The following TMEM108 variants were observed in gnomAD, a reference collection of about 807,000 sequenced individuals.
TMEM108 encodes cancer/testis antigen 124.
TMEM108 carries 12 observed loss-of-function variants against 35.1 expected under a neutral mutation model. The observed-to-expected ratio is 0.34, with a 90% CI of 0.22 to 0.55. The LOEUF is 0.55. Among genes scored for constraint, TMEM108 ranks in the 20% least tolerant of loss-of-function variants. The probability of loss-of-function intolerance (pLI) is 0.89; values close to 1 mark genes in which losing one functional copy is unlikely to be tolerated. For missense variants in TMEM108, 680 were observed against 753.3 expected (o/e 0.90, Z 1.14); for synonymous variants, 287 against 308.6 (o/e 0.93, Z 0.73).
chr3:133,132,122 C>A (rs1944499380), intron 2 of TMEM108, among the ~76,000 whole-genome samples: 1 of 152,060 alleles, frequency 6.6e-6, no homozygotes, highest in Non-Finnish European at 1.5e-5. Flanking sequence ...AGAAAAGTAC[C>A]AAGTGACGCA....
chr3:133,288,107 G>T (rs1457203072), intron 3 of TMEM108, among the ~76,000 whole-genome samples: 2 of 152,128 alleles, frequency 1.3e-5, no homozygotes, highest in Non-Finnish European at 2.9e-5. Context: ...TTGCCCGCAT[G>T]GTCATTTATA....
intron 3 of TMEM108, among the ~76,000 whole-genome samples, chr3:133,362,940 G>A (rs1431446541): frequency 6.6e-6 from 1 of 152,152 alleles, no homozygotes; most frequent in Non-Finnish European, 1.5e-5. Context: ...GATTAAAAAG[G>A]TGCAGAGGGC....
At chr3:133,366,221 C>T (rs756588712) in intron 3 of TMEM108, among the ~76,000 whole-genome samples, 5 of 152,086 alleles carry the variant, frequency 3.3e-5, no homozygotes, top group Non-Finnish European at 5.9e-5. Flanking sequence ...GTGTTTATGC[C>T]TATGGATAAA....
At chr3:133,297,059 C>T (rs536942684) in intron 3 of TMEM108, among the ~76,000 whole-genome samples, 212 of 152,294 alleles carry the variant, frequency 1.4e-3, no homozygotes, top group African/African-American at 4.8e-3. Context: ...TGAAGGAGGT[C>T]CGAACAATAT....
At chr3:133,137,089 C>T (rs191929350) in intron 2 of TMEM108, among the ~76,000 whole-genome samples, 22 of 152,280 alleles carry the variant, frequency 1.4e-4, no homozygotes, top group South Asian at 6.2e-4. Flanking sequence ...TGCATAGAGA[C>T]GGTGTTTATC....
intron 2 of TMEM108, among the ~76,000 whole-genome samples, chr3:133,179,558 A>G (rs1200867035): frequency 6.6e-6 from 1 of 152,118 alleles, no homozygotes; most frequent in East Asian, 1.9e-4. Context: ...TCACAAGGAC[A>G]AAAAACCAAA....
chr3:133,047,946 C>T (rs1943360004), intron 2 of TMEM108, among the ~76,000 whole-genome samples: 1 of 152,118 alleles, frequency 6.6e-6, no homozygotes, highest in Non-Finnish European at 1.5e-5. Context: ...TGTGATGGCA[C>T]TAACTGAGGA....
chr3:133,100,989 A>G (rs1005547373), intron 2 of TMEM108, among the ~76,000 whole-genome samples: 2 of 152,208 alleles, frequency 1.3e-5, no homozygotes, highest in African/African-American at 4.8e-5. Context: ...ACCTACATTA[A>G]GAACATTTCC....
chr3:133,163,743 T>G (rs1944995165), intron 2 of TMEM108, among the ~76,000 whole-genome samples: 1 of 151,878 alleles, frequency 6.6e-6, no homozygotes, highest in Non-Finnish European at 1.5e-5. Context: ...GGTGGGAGAG[T>G]TGATGCTCAG....
At chr3:133,292,610 G>T (rs757432591) in intron 3 of TMEM108, among the ~76,000 whole-genome samples, 1 of 152,194 alleles carries the variant, frequency 6.6e-6, no homozygotes, top group Admixed American at 6.5e-5. Flanking sequence ...TGGTAGGCAC[G>T]TGTGGTTTTG....
intron 3 of TMEM108, among the ~76,000 whole-genome samples, chr3:133,324,684 TAAG>T (rs890988537): frequency 7.9e-5 from 12 of 152,204 alleles, no homozygotes; most frequent in Non-Finnish European, 1.6e-4. Flanking sequence ...ACCCAAAGAA[TAAG>T]AAGTCAGTGG....
chr3:133,227,347 C>T (rs1419503259), intron 2 of TMEM108, among the ~76,000 whole-genome samples: 2 of 150,908 alleles, frequency 1.3e-5, no homozygotes, highest in Non-Finnish European at 3.0e-5. Flanking sequence ...GCGCCCACCA[C>T]CTCGCCCGGC....
At chr3:133,254,503 A>C (rs1192214605) in intron 3 of TMEM108, among the ~76,000 whole-genome samples, 1 of 152,228 alleles carries the variant, frequency 6.6e-6, no homozygotes, top group Non-Finnish European at 1.5e-5. Context: ...TTCTCAACCA[A>C]GGTGCCTCAA....
intron 2 of TMEM108, among the ~76,000 whole-genome samples, chr3:133,220,929 T>G (rs77376306): frequency 0.025 from 3,769 of 152,312 alleles, 150 homozygotes; most frequent in African/African-American, 0.084. Flanking sequence ...TTTACTTACA[T>G]GTACCAGTTT....
At chr3:133,307,754 A>G (rs891518467) in intron 3 of TMEM108, among the ~76,000 whole-genome samples, 3 of 152,106 alleles carry the variant, frequency 2.0e-5, no homozygotes, top group African/African-American at 4.8e-5. Flanking sequence ...TACCAGTACT[A>G]TACTGTTTTG....
chr3:133,277,729 G>A (rs77743047), intron 3 of TMEM108, among the ~76,000 whole-genome samples: 2,289 of 152,338 alleles, frequency 0.015, 68 homozygotes, highest in African/African-American at 0.052. Flanking sequence ...CCTTTCTGCT[G>A]AGATTGGAGG....
chr3:133,218,941 A>T (rs1255736196), intron 2 of TMEM108, among the ~76,000 whole-genome samples: 2 of 152,002 alleles, frequency 1.3e-5, no homozygotes, highest in Non-Finnish European at 1.5e-5. Context: ...TTTTTGGAAG[A>T]GTTTGAGAAG....
Position 133,117,199 on chromosome 3 carries a change from A to G in TMEM108, c.-47+71179A>G, listed in dbSNP as rs577163499. On this transcript the variant is annotated intron_variant, in intron 2 of 5. Coordinates refer to ENST00000321871, the MANE Select transcript of TMEM108 (RefSeq NM_023943.4). ...ATAGAATATACAGCATCAAACAAAT[A>G]TTAGTCCTCAATGGAACAAGTGAGG... Among the ~76,000 whole-genome samples, 7 of 152,376 alleles carry G rather than the reference A, an allele frequency of 4.6e-5. No individual in the cohort carries two copies. In the East Asian group the frequency reaches 1.3e-3, roughly 29 times the overall value.
At chr3:133,219,747 A>G (rs190396594) in intron 2 of TMEM108, among the ~76,000 whole-genome samples, 5 of 152,252 alleles carry the variant, frequency 3.3e-5, no homozygotes, top group African/African-American at 1.2e-4. Flanking sequence ...TGTGTTATAT[A>G]TAGTCTATCC....
Sources: allele counts gnomAD v4.1 joint callset (sites outside exome capture counted in the v4.1 genomes callset), GRCh38; gene constraint gnomAD v4.1.1; transcripts MANE v1.5; gene names NCBI Gene and HGNC (gene_info 2026-07-23, HGNC 2026-07-21).